DOK6: variants seen among roughly 807,000 people sequenced by gnomAD.
DOK6 encodes the protein docking protein 6, also known as downstream of tyrosine kinase 6.
A neutral mutation model predicts 44.0 loss-of-function variants in DOK6; 22 were observed. The ratio of observed to expected loss-of-function variants is 0.50; its 90% CI spans 0.36 to 0.71. The LOEUF is 0.71. Among genes scored for constraint, DOK6 ranks in the 30% least tolerant of loss-of-function variants. The probability of loss-of-function intolerance (pLI) is 0.00; values close to 1 mark genes in which losing one functional copy is unlikely to be tolerated. For synonymous variants in DOK6, 166 were observed against 145.5 expected, an observed-to-expected ratio of 1.14 and a Z score of -1.01; for missense variants, 340 against 416.4, an observed-to-expected ratio of 0.82 and a Z score of 1.60.
intron 3 of DOK6, among the ~76,000 whole-genome samples, chr18:69,632,666 G>T (rs982391966): frequency 6.6e-6 from 1 of 152,062 alleles, no homozygotes; most frequent in Admixed American, 6.6e-5. Flanking sequence ...GTCTCCCGAG[G>T]TATATTTCTA....
At position 69,597,205 on chromosome 18, in the gene DOK6, C is replaced by T. The variant is rs552771911; in HGVS notation, c.175-2179C>T. ...GAGATTTCTATATTTCACTGGAACA[C>T]AATATCAATCTAAAGCTAATTCTGA... On this transcript the variant is annotated intron_variant, in intron 2 of 7. Transcript: ENST00000382713. Among the ~76,000 whole-genome samples the T allele has an allele frequency of 2.6e-5, 4 of 152,104 alleles. No individual in the cohort carries two copies. In the South Asian group the frequency reaches 6.2e-4, roughly 24 times the overall value.
chr18:69,640,321 C>T (rs1244499316), intron 3 of DOK6, among the ~76,000 whole-genome samples: 2 of 152,270 alleles, frequency 1.3e-5, no homozygotes, highest in East Asian at 3.9e-4. Flanking sequence ...CTTAAAATTT[C>T]CTGTTTCCCT....
intron 2 of DOK6, among the ~76,000 whole-genome samples, chr18:69,594,829 G>GA (rs201309093): frequency 1.1e-4 from 16 of 148,592 alleles, no homozygotes; most frequent in Admixed American, 2.0e-4. Context: ...TCTCTTACGT[G>GA]AAAAAAAAAG....
chr18:69,737,395 G>A (rs1451759073), intron 5 of DOK6, among the ~76,000 whole-genome samples: 1 of 152,114 alleles, frequency 6.6e-6, no homozygotes, highest in Non-Finnish European at 1.5e-5. Flanking sequence ...AATATCAGGA[G>A]AGCAGCATGG....
chr18:69,541,747 T>C (rs1026221646), intron 1 of DOK6, among the ~76,000 whole-genome samples: 1 of 151,540 alleles, frequency 6.6e-6, no homozygotes, highest in Non-Finnish European at 1.5e-5. Context: ...ATGGTCATGT[T>C]TGTGGCAAAT....
intron 1 of DOK6, among the ~76,000 whole-genome samples, chr18:69,522,943 G>A (rs1293723007): frequency 6.6e-6 from 1 of 152,122 alleles, no homozygotes; most frequent in South Asian, 2.1e-4. Flanking sequence ...CTGGGAGCCA[G>A]TTGTTGAGTG....
intron 3 of DOK6, chr18:69,659,976 G>GTATGTTTTATATATATATATT (rs1306927266): frequency 2.6e-5 from 3 of 113,280 alleles, no homozygotes; most frequent in African/African-American, 3.1e-5. Flanking sequence ...ATATATATAT[G>GTATGTTTTATATATATATATT]TATATAAAGA....
intron 1 of DOK6, among the ~76,000 whole-genome samples, chr18:69,490,024 CA>C (rs1416302609): frequency 6.6e-6 from 1 of 151,870 alleles, no homozygotes; most frequent in Non-Finnish European, 1.5e-5. Flanking sequence ...CATAGTTTTA[CA>C]TATTCAGAAG....
intron 7 of DOK6, among the ~76,000 whole-genome samples, chr18:69,806,734 C>A (rs958554644): frequency 6.6e-6 from 1 of 151,854 alleles, no homozygotes; most frequent in Non-Finnish European, 1.5e-5. Context: ...GAGACTCACA[C>A]CACTGGGCAG....
At chr18:69,562,446 T>C (rs1982858701) in intron 1 of DOK6, among the ~76,000 whole-genome samples, 1 of 152,224 alleles carries the variant, frequency 6.6e-6, no homozygotes, top group Non-Finnish European at 1.5e-5. Context: ...CCTTGCAGTA[T>C]AGTTTGAAGT....
chr18:69,514,174 G>T (rs949588894), intron 1 of DOK6, among the ~76,000 whole-genome samples: 5 of 151,556 alleles, frequency 3.3e-5, no homozygotes, highest in African/African-American at 9.7e-5. Flanking sequence ...TATGCATTTT[G>T]ATTTCTCCAA....
At chr18:69,706,237 C>T (rs776794736) in intron 5 of DOK6, among the ~76,000 whole-genome samples, 1 of 152,168 alleles carries the variant, frequency 6.6e-6, no homozygotes, top group Non-Finnish European at 1.5e-5. Flanking sequence ...GTTACAGAAA[C>T]TAGGAGATGG....
chr18:69,711,592 G>T (rs576113174), intron 5 of DOK6, among the ~76,000 whole-genome samples: 9 of 152,062 alleles, frequency 5.9e-5, no homozygotes, highest in Admixed American at 1.3e-4. Context: ...AAATATATTT[G>T]CTCCTTGAAA....
At chr18:69,477,159 G>A (rs113455616) in intron 1 of DOK6, among the ~76,000 whole-genome samples, 2 of 152,288 alleles carry the variant, frequency 1.3e-5, no homozygotes, top group Non-Finnish European at 2.9e-5. Flanking sequence ...TGGTGACAAT[G>A]CTGTTTGAAA....
chr18:69,630,635 T>C (rs955762670), intron 3 of DOK6, among the ~76,000 whole-genome samples: 2 of 152,202 alleles, frequency 1.3e-5, no homozygotes, highest in African/African-American at 4.8e-5. Context: ...ATAATTCTTC[T>C]TGAGAAAAAT....
At chr18:69,822,000 G>GA (rs575103050) in intron 7 of DOK6, among the ~76,000 whole-genome samples, 367 of 151,928 alleles carry the variant, frequency 2.4e-3, no homozygotes, top group African/African-American at 8.5e-3. Context: ...TTTCTCTAGT[G>GA]AAAAAAACAT....
intron 7 of DOK6, among the ~76,000 whole-genome samples, chr18:69,771,197 A>G (rs1979877278): frequency 6.6e-6 from 1 of 152,150 alleles, no homozygotes; most frequent in East Asian, 1.9e-4. Flanking sequence ...AATCATCACT[A>G]CCATATATTA....
intron 1 of DOK6, among the ~76,000 whole-genome samples, chr18:69,425,190 T>C (rs893768157): frequency 8.5e-5 from 13 of 152,272 alleles, no homozygotes; most frequent in Admixed American, 2.0e-4. Context: ...TAGAGCCTTA[T>C]GTGCATTGTA....
At chr18:69,657,807 G>A (rs4358042) in intron 3 of DOK6, among the ~76,000 whole-genome samples, 139,000 of 152,236 alleles carry the variant, frequency 0.91, 64,251 homozygotes, top group Non-Finnish European at 0.99. Flanking sequence ...TTAGGTCTGC[G>A]TTCTACCAGA....
Sources: allele counts gnomAD v4.1 joint callset (sites outside exome capture counted in the v4.1 genomes callset), GRCh38; gene constraint gnomAD v4.1.1; transcripts MANE v1.5; gene names NCBI Gene and HGNC (gene_info 2026-07-23, HGNC 2026-07-21).